TNFSF13B: variants seen among roughly 807,000 people sequenced by gnomAD.
The protein encoded by TNFSF13B is TNF superfamily member 13b, also known as tumor necrosis factor ligand superfamily member 13B.
Under a neutral mutation model 29.1 loss-of-function variants are expected in TNFSF13B, and 8 were observed. That is an observed-to-expected ratio of 0.27 (90% confidence interval 0.16 to 0.50). The LOEUF (loss-of-function observed/expected upper bound fraction) is 0.50. Among genes scored for constraint, TNFSF13B ranks in the 20% least tolerant of loss-of-function variants. TNFSF13B has a pLI of 0.98. For synonymous variants in TNFSF13B, 125 were observed against 130.8 expected (o/e 0.96, Z 0.30); for missense variants, 248 against 334.9 (o/e 0.74, Z 2.03).
intron 3 of TNFSF13B, among the ~76,000 whole-genome samples, chr13:108,291,401 C>A (rs1203148744): frequency 6.6e-6 from 1 of 151,218 alleles, no homozygotes; most frequent in South Asian, 2.1e-4. Context: ...CCTTTTTTTT[C>A]TTTTAGTATG....
At chr13:108,281,553 G>A (rs1007433615) in intron 2 of TNFSF13B, among the ~76,000 whole-genome samples, 2 of 152,040 alleles carry the variant, frequency 1.3e-5, no homozygotes, top group Non-Finnish European at 2.9e-5. Context: ...TGAGACCTTT[G>A]CTGCCACCCT....
intron 3 of TNFSF13B, among the ~76,000 whole-genome samples, chr13:108,289,714 A>C (rs1168031759): frequency 6.6e-6 from 1 of 151,302 alleles, no homozygotes; most frequent in Non-Finnish European, 1.5e-5. Context: ...AGATGAAATC[A>C]TGTTATGTAT....
chr13:108,274,795 A>T (rs1455584428), intron 2 of TNFSF13B, among the ~76,000 whole-genome samples: 1 of 152,054 alleles, frequency 6.6e-6, no homozygotes, highest in African/African-American at 2.4e-5. Flanking sequence ...GTGTTTATTT[A>T]TGTTCATATT....
chr13:108,288,943 G>GT (rs990975800), intron 3 of TNFSF13B, among the ~76,000 whole-genome samples: 1 of 152,092 alleles, frequency 6.6e-6, no homozygotes, highest in Admixed American at 6.6e-5. Context: ...TTTCATCTGT[G>GT]TTTTTTTCTG....
At chr13:108,304,226 C>T (rs1881707936) in intron 5 of TNFSF13B, among the ~76,000 whole-genome samples, 1 of 152,176 alleles carries the variant, frequency 6.6e-6, no homozygotes, top group African/African-American at 2.4e-5. Flanking sequence ...GAAAGTTGTA[C>T]AATGGCTTCT....
intron 2 of TNFSF13B, among the ~76,000 whole-genome samples, chr13:108,273,911 C>T (rs1880688809): frequency 6.6e-6 from 1 of 152,108 alleles, no homozygotes; most frequent in Non-Finnish European, 1.5e-5. Flanking sequence ...CCACTTTCCA[C>T]CCTTGAGATA....
At position 108,272,168 on chromosome 13, in the gene TNFSF13B, A is replaced by G. The variant is rs150103310; in HGVS notation, c.424+1744A>G. Among the ~76,000 whole-genome samples the G allele has an allele frequency of 2.1e-3, 317 of 152,228 alleles. 2 individuals are homozygous for G. Among genetic ancestry groups the G allele is most frequent in the Non-Finnish European group, 3.6e-3 (242 of 67,960 alleles). Reference sequence around the variant, plus strand: ...TGTTGCTTGTTTACTAATATGAATAAACTTTCTGCATATTTTGATTATTTA... The same window carrying G: ...TGTTGCTTGTTTACTAATATGAATAGACTTTCTGCATATTTTGATTATTTA... On this transcript the variant is annotated intron_variant, in intron 2 of 5. Transcript: ENST00000375887.
intron 2 of TNFSF13B, among the ~76,000 whole-genome samples, chr13:108,277,776 C>T (rs1186980257): frequency 6.6e-6 from 1 of 152,080 alleles, no homozygotes; most frequent in Non-Finnish European, 1.5e-5. Context: ...ATGACGCTGG[C>T]GGGAGTGTAG....
At chr13:108,286,735 G>A (rs192798105) in intron 2 of TNFSF13B, 68 bp from the exon 3 acceptor site, 1 of 1,050,580 alleles carries the variant, frequency 9.5e-7, no homozygotes, top group East Asian at 2.7e-5. Flanking sequence ...TGGGTTTCTA[G>A]CTTTGTGTTC....
rs1881836511 is a variant in TNFSF13B at position 108,308,329 on chromosome 13, A to G, written c.*1391A>G. The G allele has an allele frequency of 6.6e-6, 1 of 152,146 alleles. No individual in the cohort carries two copies. The highest frequency in any genetic ancestry group is 2.4e-5 in the African/African-American group (1 of 41,452). 9.4% of individuals were successfully genotyped at this position (152,146 alleles called of 1,614,324 possible). On this transcript the variant is annotated 3_prime_UTR_variant, in exon 6 of 6. Coordinates refer to ENST00000375887, the MANE Select transcript of TNFSF13B (RefSeq NM_006573.5). ...GATTTTGACTTCAGTAAGTTCAAATAAAATATATTTTGCAATTCATTTTTA... is the reference window on the plus strand; with the variant it reads ...GATTTTGACTTCAGTAAGTTCAAATGAAATATATTTTGCAATTCATTTTTA...
intron 3 of TNFSF13B, among the ~76,000 whole-genome samples, chr13:108,292,249 T>G (rs567047144): frequency 1.3e-5 from 2 of 152,226 alleles, no homozygotes; most frequent in Non-Finnish European, 2.9e-5. Context: ...GTGCCTGGCT[T>G]CTTTCACTTA....
intron 2 of TNFSF13B, among the ~76,000 whole-genome samples, chr13:108,279,667 TAGAA>T (rs1269602058): frequency 2.6e-5 from 4 of 152,150 alleles, no homozygotes; most frequent in Admixed American, 2.6e-4. Flanking sequence ...AATTTGCACT[TAGAA>T]AGATAATTCA....
chr13:108,302,839 G>A lies in TNFSF13B; in HGVS notation c.482-414G>A. 4.1e-6 allele frequency: 4 copies of A among 986,776 alleles called. No homozygotes were observed. In the East Asian group the frequency reaches 3.4e-4, roughly 84 times the overall value. The allele number at this position is 986,776 out of a possible 1,614,324, so 61.1% of individuals were successfully genotyped here. A position where few individuals can be genotyped will look rare whatever the true frequency, so the allele number is the denominator to read the frequency against. On this transcript the variant is annotated intron_variant, in intron 3 of 5. Coordinates refer to ENST00000375887, the MANE Select transcript of TNFSF13B (RefSeq NM_006573.5). ...AGATTTCTTCGTCTGGAAACATTTTGCCAAACTCTTCAGATACTCTTTCCT... is the reference window on the plus strand; with the variant it reads ...AGATTTCTTCGTCTGGAAACATTTTACCAAACTCTTCAGATACTCTTTCCT...
In TNFSF13B at chr13:108,303,584, A is replaced by G. The variant is rs1881689324; in HGVS notation, c.725A>G (p.Asn242Ser). 1 of 1,612,982 alleles carries G rather than the reference A, an allele frequency of 6.2e-7. No homozygotes were observed. Among genetic ancestry groups the G allele is most frequent in the East Asian group, 2.2e-5 (1 of 44,862 alleles). Residue 242 changes from asparagine (N) to serine (S), a missense_variant, in exon 5 of 6, where the codon AAT (asparagine) becomes AGT (serine). By Grantham distance (46) the Asn-to-Ser change is conservative. Transcript: ENST00000375887. ...CAAAATATGCCTGAAACACTACCCA[A>G]TAATTCCTGCTATTCAGCTGGTAAA... ...CIQNMPETLP[N>S]NSCYSAGIAK...
intron 3 of TNFSF13B, among the ~76,000 whole-genome samples, chr13:108,299,781 T>A (rs771901683): frequency 2.0e-5 from 3 of 152,146 alleles, no homozygotes; most frequent in Non-Finnish European, 4.4e-5. Context: ...TGCGTATGTG[T>A]GTGTGTGGAT....
Position 108,308,426 on chromosome 13 carries a change from T to C in TNFSF13B, c.*1488T>C, listed in dbSNP as rs981903768. 6.6e-6 allele frequency: 1 copy of C among 152,150 alleles called. No individual in the cohort carries two copies. Among genetic ancestry groups the C allele is most frequent in the Non-Finnish European group, 1.5e-5 (1 of 68,008 alleles). The allele number at this position is 152,150 out of a possible 1,614,324, so 9.4% of individuals were successfully genotyped here. A position where few individuals can be genotyped will look rare whatever the true frequency, so the allele number is the denominator to read the frequency against. On this transcript the variant is annotated 3_prime_UTR_variant, in exon 6 of 6. Transcript: ENST00000375887. ...GCTAGGTGGGGTGGTTAATGATTTT[T>C]CTGGTGTTGCTGCTAATGTGGATTA...
Position 108,299,423 on chromosome 13 carries a change from G to A in TNFSF13B, c.482-3830G>A, listed in dbSNP as rs1197789027. Among the ~76,000 whole-genome samples, 3 of 111,694 alleles carry A rather than the reference G, an allele frequency of 2.7e-5. No individual in the cohort carries two copies. In the South Asian group the frequency reaches 7.3e-4, roughly 27 times the overall value. 73.3% of individuals were successfully genotyped at this position (111,694 alleles called of 152,430 possible). On this transcript the variant is annotated intron_variant, in intron 3 of 5. Transcript: ENST00000375887. ...AAATCAAAATTACTCCCATCCTCAG[G>A]GTTTTCTGTTAATGGATGTGGACTG...
intron 3 of TNFSF13B, among the ~76,000 whole-genome samples, chr13:108,296,571 CTG>C (rs1379235333): frequency 1.4e-5 from 2 of 145,520 alleles, no homozygotes; most frequent in African/African-American, 5.2e-5. Flanking sequence ...TTACCAATCT[CTG>C]TATTTTAATT....
chr13:108,306,409 A>G (rs533700695), intron 5 of TNFSF13B, among the ~76,000 whole-genome samples: 3 of 152,132 alleles, frequency 2.0e-5, no homozygotes, highest in Admixed American at 1.3e-4. Context: ...AGGAATATCT[A>G]GTATATATAT....
Sources: gnomAD v4.1 joint callset for allele counts (sites outside exome capture counted in the v4.1 genomes callset) on GRCh38, gnomAD v4.1.1 for gene constraint, MANE v1.5 for transcripts, NCBI Gene and HGNC (gene_info 2026-07-23, HGNC 2026-07-21) for gene names.